The following TENM3 variants were observed in gnomAD, a reference collection of about 807,000 sequenced individuals.
The protein encoded by TENM3 is teneurin-3.
A neutral mutation model predicts 255.1 loss-of-function variants in TENM3; 63 were observed. The ratio of observed to expected loss-of-function variants is 0.25; its 90% CI spans 0.20 to 0.30. TENM3 has a LOEUF of 0.30. Ranked by LOEUF, TENM3 falls within the 10% of genes least tolerant of loss-of-function variation. The pLI is 1.00. For synonymous variants in TENM3, 1,306 were observed against 1,322.3 expected (o/e 0.99, Z 0.27); for missense variants, 2,929 against 3,461.1 (o/e 0.85, Z 3.86).
At chr4:182,242,022 CT>C (rs1193342141), upstream of TENM3, among the ~76,000 whole-genome samples, 1,297 of 117,128 alleles carry the variant, frequency 0.011, 19 homozygotes, top group Non-Finnish European at 0.017. Context: ...TTTCCTCTCT[CT>C]TTTTTTTTTT....
chr4:181,835,399 G>A, the TENM3 span, among the ~76,000 whole-genome samples: 1 of 152,106 alleles, frequency 6.6e-6, no homozygotes, highest in Non-Finnish European at 1.5e-5. Context: ...GGCCCTTCAT[G>A]GACACATATT....
At chr4:182,634,680 C>T (rs1394404499) in intron 5 of TENM3, among the ~76,000 whole-genome samples, 1 of 137,818 alleles carries the variant, frequency 7.3e-6, no homozygotes, top group Non-Finnish European at 1.5e-5. Flanking sequence ...CCCTGATGTA[C>T]TCATTCTTCT....
At chr4:182,720,207 G>A (rs556520113) in intron 13 of TENM3, among the ~76,000 whole-genome samples, 139 of 152,216 alleles carry the variant, frequency 9.1e-4, no homozygotes, top group Non-Finnish European at 1.8e-3. Context: ...ATCTATATTT[G>A]TAGATTACTC....
intron 3 of TENM3, among the ~76,000 whole-genome samples, chr4:182,544,090 A>T (rs1741173015): frequency 6.6e-6 from 1 of 152,196 alleles, no homozygotes. Flanking sequence ...CAAATAAGTG[A>T]GTTATCAGAT....
At chr4:182,696,114 A>C (rs1757380524) in intron 12 of TENM3, among the ~76,000 whole-genome samples, 1 of 152,224 alleles carries the variant, frequency 6.6e-6, no homozygotes, top group African/African-American at 2.4e-5. Context: ...CAAAATAGTT[A>C]ATGAGTATTA....
intron 3 of TENM3, among the ~76,000 whole-genome samples, chr4:182,487,366 T>C (rs1734860708): frequency 6.6e-6 from 1 of 152,216 alleles, no homozygotes; most frequent in Non-Finnish European, 1.5e-5. Flanking sequence ...TTAACTGTAT[T>C]TAACTATCGC....
chr4:182,694,018 A>G (rs1461505485), intron 12 of TENM3, among the ~76,000 whole-genome samples: 1 of 152,240 alleles, frequency 6.6e-6, no homozygotes, highest in Non-Finnish European at 1.5e-5. Context: ...ATTATAAAAT[A>G]TAATCTAGTC....
intron 24 of TENM3, among the ~76,000 whole-genome samples, chr4:182,785,091 T>TTG (rs1402654961): frequency 6.6e-6 from 1 of 151,878 alleles, no homozygotes; most frequent in East Asian, 2.0e-4. Flanking sequence ...ATATTTTTTT[T>TTG]CTTGAGACAG....
chr4:182,468,022 T>G (rs1159580566), intron 3 of TENM3, among the ~76,000 whole-genome samples: 9 of 152,218 alleles, frequency 5.9e-5, no homozygotes, highest in Non-Finnish European at 1.2e-4. Flanking sequence ...TGGGTGATGA[T>G]CTTACCTATG....
chr4:182,487,121 T>C (rs1734828539), intron 3 of TENM3, among the ~76,000 whole-genome samples: 1 of 152,164 alleles, frequency 6.6e-6, no homozygotes, highest in African/African-American at 2.4e-5. Context: ...ACGTGGTTTC[T>C]AGAATTTGGT....
At chr4:181,706,635 G>A in the TENM3 span, among the ~76,000 whole-genome samples, 10 of 152,238 alleles carry the variant, frequency 6.6e-5, no homozygotes, top group African/African-American at 1.9e-4. Context: ...TATATTCAAT[G>A]TGATAAACTA....
intron 1 of TENM3, among the ~76,000 whole-genome samples, chr4:182,274,291 T>C (rs923615349): frequency 2.0e-5 from 3 of 152,164 alleles, no homozygotes; most frequent in Admixed American, 6.5e-5. Flanking sequence ...AAAGAAAGCA[T>C]TTTGATCAGG....
At chr4:182,357,125 C>T (rs1339750382) in intron 3 of TENM3, among the ~76,000 whole-genome samples, 2 of 152,056 alleles carry the variant, frequency 1.3e-5, no homozygotes, top group Admixed American at 6.6e-5. Flanking sequence ...CGTTGTTGGA[C>T]ATTTGGGTTG....
At chr4:182,653,640 C>A in intron 5 of TENM3, 131 bp from the exon 6 acceptor site, 1 of 970,752 alleles carries the variant, frequency 1.0e-6, no homozygotes, top group Non-Finnish European at 1.5e-6. Flanking sequence ...TTTCATTGCG[C>A]AGTTATCCTT....
chr4:182,721,681 G>A (rs1400689538), intron 13 of TENM3, among the ~76,000 whole-genome samples: 3 of 152,022 alleles, frequency 2.0e-5, no homozygotes, highest in Non-Finnish European at 4.4e-5. Context: ...CAATTGCTTT[G>A]CAACACTTCA....
the TENM3 span, among the ~76,000 whole-genome samples, chr4:181,879,854 G>C: frequency 6.6e-6 from 1 of 151,942 alleles, no homozygotes; most frequent in Non-Finnish European, 1.5e-5. Context: ...ATCAGCACCT[G>C]CAAGCGTCAT....
intron 2 of TENM3, among the ~76,000 whole-genome samples, chr4:182,326,873 A>T (rs1763447238): frequency 6.6e-6 from 1 of 152,168 alleles, no homozygotes; most frequent in Non-Finnish European, 1.5e-5. Flanking sequence ...TCGAATGTTC[A>T]TGGTGTGGAT....
intron 16 of TENM3, among the ~76,000 whole-genome samples, chr4:182,735,796 A>G (rs1044322731): frequency 1.2e-4 from 19 of 152,232 alleles, no homozygotes; most frequent in African/African-American, 4.6e-4. Flanking sequence ...CTCTTTAGAA[A>G]AATTGTGTAT....
At position 182,738,463 on chromosome 4, in the gene TENM3, A is replaced by G; in HGVS notation, c.3298A>G (p.Ile1100Val). ...DLTLWEKRTA[I>V]LQGYELDASN... The stretch of plus-strand genomic sequence containing the variant: ...GACTCTGTGGGAAAAGAGGACTGCC[A>G]TTCTGCAGGGCTATGAATTGGATGC... Residue 1100 changes from isoleucine to valine, a missense_variant, in exon 18 of 28, where the codon ATT becomes GTT. Around this residue, in one of 6 missense-constraint regions of TENM3, gnomAD observed 1,608 missense variants for 1,884.4 expected, o/e 0.85. Coordinates refer to ENST00000511685, the MANE Select transcript of TENM3 (RefSeq NM_001080477.4). The G allele has an allele frequency of 6.2e-7, 1 of 1,613,490 alleles. No individual in the cohort carries two copies.
Sources: gnomAD v4.1 joint callset for allele counts (sites outside exome capture counted in the v4.1 genomes callset) on GRCh38, gnomAD v4.1.1 for gene constraint, gnomAD v4.1.1 regional missense constraint, MANE v1.5 for transcripts, NCBI Gene and HGNC (gene_info 2026-07-23, HGNC 2026-07-21) for gene names.